Variants in SEMA5A observed in about 807,000 individuals in gnomAD.
The protein encoded by SEMA5A is semaphorin-5A.
SEMA5A carries 55 observed loss-of-function variants against 135.5 expected under a neutral mutation model. The observed-to-expected ratio is 0.41, with a 90% CI of 0.33 to 0.51. The LOEUF is 0.51. Among genes scored for constraint, SEMA5A ranks in the 20% least tolerant of loss-of-function variants. The probability of loss-of-function intolerance (pLI) is 0.37; values close to 1 mark genes in which losing one functional copy is unlikely to be tolerated. For missense variants in SEMA5A, 1,290 were observed against 1,419.9 expected (o/e 0.91, Z 1.47); for synonymous variants, 580 against 546.5 (o/e 1.06, Z -0.85).
At position 9,397,052 on chromosome 5, in the gene SEMA5A, A is replaced by C. The variant is rs558277260; in HGVS notation, c.-77-17029T>G. Among the ~76,000 whole-genome samples, 79 of 55,384 alleles carry C rather than the reference A, an allele frequency of 1.4e-3. 1 individual carries two copies. In the East Asian group the frequency reaches 0.04, roughly 28 times the overall value. 36.3% of individuals were successfully genotyped at this position (55,384 alleles called of 152,430 possible). On this transcript the variant is annotated intron_variant, in intron 2 of 22. Transcript: ENST00000382496. ...CTATACAAATGGAACAAGGAAGACA[A>C]AAAAAAAAAATAGGACCAAAGAAGA...
chr5:9,219,825 G>C (rs1746831368), intron 8 of SEMA5A, among the ~76,000 whole-genome samples: 1 of 152,184 alleles, frequency 6.6e-6, no homozygotes, highest in Non-Finnish European at 1.5e-5. Context: ...AAATGAACAT[G>C]AATGGGGTAG....
chr5:9,044,376 G>C lies in SEMA5A; in HGVS notation c.3102C>G (p.Ile1034Met), dbSNP rs1321357058. 15 of 1,612,352 alleles carry C rather than the reference G, an allele frequency of 9.3e-6. No homozygotes were observed. Among genetic ancestry groups the C allele is most frequent in the Non-Finnish European group, 1.2e-5 (14 of 1,179,204 alleles). ...KLDKYDSVEA[I>M]KAFNKNNLIL... ...AGAAATATTAAAATTCACTTACCTT[G>C]ATGGCCTCCACCGAGTCGTACTTGT... The change falls in exon 22 of 23, where the codon ATC becomes ATG. Residue 1034 changes from isoleucine (I) to methionine (M), a missense_variant. This residue lies in a region of SEMA5A where 1,029 missense variants were observed against 1,086.6 expected (regional missense o/e 0.95). Coordinates refer to ENST00000382496, the MANE Select transcript of SEMA5A (RefSeq NM_003966.3).
chr5:9,250,851 T>C (rs1367684695), intron 5 of SEMA5A, among the ~76,000 whole-genome samples: 1 of 152,174 alleles, frequency 6.6e-6, no homozygotes, highest in African/African-American at 2.4e-5. Flanking sequence ...AGTTGGAATT[T>C]AAAAGTGGAA....
chr5:9,508,051 G>A (rs1251785140), intron 1 of SEMA5A, among the ~76,000 whole-genome samples: 1 of 152,028 alleles, frequency 6.6e-6, no homozygotes, highest in Non-Finnish European at 1.5e-5. Context: ...CAGAAAGCTG[G>A]CTTGGGGAAG....
intron 16 of SEMA5A, among the ~76,000 whole-genome samples, chr5:9,068,430 G>A (rs940239753): frequency 2.6e-5 from 4 of 152,288 alleles, no homozygotes; most frequent in African/African-American, 9.6e-5. Flanking sequence ...TGGAGGATCT[G>A]GGAGCTGAGT....
chr5:9,189,697 A>C (rs1018358037), intron 11 of SEMA5A, among the ~76,000 whole-genome samples: 44 of 152,184 alleles, frequency 2.9e-4, no homozygotes, highest in African/African-American at 9.4e-4. Flanking sequence ...CTGAGATGGA[A>C]CATGCTTTCT....
At chr5:9,353,385 A>AGG (rs1754296545) in intron 3 of SEMA5A, among the ~76,000 whole-genome samples, 1 of 150,960 alleles carries the variant, frequency 6.6e-6, no homozygotes, top group Admixed American at 6.6e-5. Flanking sequence ...AAGGAAAGGA[A>AGG]AGGAAAGGAA....
Position 9,066,532 on chromosome 5 carries a change from G to A in SEMA5A, c.2188C>T (p.Arg730Ter), listed in dbSNP as rs1201016290. The A allele has an allele frequency of 6.2e-7, 1 of 1,614,140 alleles. No individual in the cohort carries two copies. The highest frequency in any genetic ancestry group is 8.5e-7 in the Non-Finnish European group (1 of 1,180,036). ...DNGGHYEQRFRYTCKARLADP... is the reference protein window; with the variant it reads ...DNGGHYEQRF ...GCCAGGCGGGCTTTGCATGTGTATC[G>A]GAATCGTTGCTCATAGTGGCCGCCG... The change falls in exon 17 of 23, where the codon CGA becomes TGA. Residue 730 changes from arginine (R) to a stop codon, truncating the protein, a stop_gained. Transcript: ENST00000382496. LOFTEE classifies it high-confidence loss of function.
chr5:9,152,807 C>T (rs1370721798), intron 12 of SEMA5A, among the ~76,000 whole-genome samples: 1 of 152,244 alleles, frequency 6.6e-6, no homozygotes, highest in Non-Finnish European at 1.5e-5. Flanking sequence ...CGCAGTGGCA[C>T]ACGCCTGTAA....
intron 2 of SEMA5A, among the ~76,000 whole-genome samples, chr5:9,384,950 T>C (rs931927426): frequency 3.9e-5 from 6 of 152,208 alleles, no homozygotes; most frequent in Admixed American, 1.3e-4. Flanking sequence ...AAATACATTA[T>C]GAAGGAATTT....
chr5:9,353,046 G>GAAGGAAAGGA (rs1561176351), intron 3 of SEMA5A, among the ~76,000 whole-genome samples: 1 of 109,400 alleles, frequency 9.1e-6, no homozygotes, highest in African/African-American at 3.6e-5. Context: ...AAAGAAGAAG[G>GAAGGAAAGGA]AAGGAAAGGA....
At chr5:9,221,518 G>T (rs551442079) in intron 8 of SEMA5A, among the ~76,000 whole-genome samples, 1 of 151,756 alleles carries the variant, frequency 6.6e-6, no homozygotes, top group African/African-American at 2.4e-5. Flanking sequence ...TAGCCAGGAT[G>T]GTCTCGATCT....
At chr5:9,190,602 G>A in intron 10 of SEMA5A, 131 bp from the exon 11 acceptor site, 1 of 756,634 alleles carries the variant, frequency 1.3e-6, no homozygotes, top group Non-Finnish European at 2.2e-6. Context: ...ATGCAAACAT[G>A]TCTGCTTCTC....
chr5:9,092,054 T>C (rs114795133), intron 16 of SEMA5A, among the ~76,000 whole-genome samples: 41 of 152,332 alleles, frequency 2.7e-4, no homozygotes, highest in African/African-American at 9.9e-4. Flanking sequence ...TTATTCGGTC[T>C]TGGGATCTTT....
chr5:9,514,502 C>T (rs1341656621), intron 1 of SEMA5A, among the ~76,000 whole-genome samples: 1 of 152,180 alleles, frequency 6.6e-6, no homozygotes, highest in Non-Finnish European at 1.5e-5. Context: ...ATACCAAAAT[C>T]CACAGATGCT....
intron 2 of SEMA5A, among the ~76,000 whole-genome samples, chr5:9,407,251 A>G (rs1756922205): frequency 6.6e-6 from 1 of 152,220 alleles, no homozygotes; most frequent in Non-Finnish European, 1.5e-5. Context: ...TAGACTAAAC[A>G]TAAAGAGAGA....
chr5:9,453,057 C>A (rs1356405825), intron 1 of SEMA5A, among the ~76,000 whole-genome samples: 1 of 152,194 alleles, frequency 6.6e-6, no homozygotes, highest in Non-Finnish European at 1.5e-5. Context: ...TAAGTCTAAA[C>A]ACGTACTTTA....
chr5:9,437,712 A>AT, intron 2 of SEMA5A, 44 bp downstream of exon 2: 1 of 51,458 alleles, frequency 1.9e-5, no homozygotes. Flanking sequence ...TTCAATCTGT[A>AT]ATTTTTTTAG....
At chr5:9,277,788 G>T (rs927136660) in intron 5 of SEMA5A, among the ~76,000 whole-genome samples, 1 of 152,072 alleles carries the variant, frequency 6.6e-6, no homozygotes, top group Non-Finnish European at 1.5e-5. Context: ...ACACAGGGAG[G>T]GGAATATCAC....
Sources: gnomAD v4.1 joint callset for allele counts (sites outside exome capture counted in the v4.1 genomes callset) on GRCh38, gnomAD v4.1.1 for gene constraint, gnomAD v4.1.1 regional missense constraint, MANE v1.5 for transcripts, NCBI Gene and HGNC (gene_info 2026-07-23, HGNC 2026-07-21) for gene names.